The following SMAD2 variants were observed in gnomAD, a reference collection of about 807,000 sequenced individuals.
SMAD2 encodes SMAD family member 2, also known as MAD homolog 2.
A neutral mutation model predicts 64.4 loss-of-function variants in SMAD2; 8 were observed. The observed-to-expected ratio is 0.12, with a 90% confidence interval of 0.07 to 0.22. The LOEUF (loss-of-function observed/expected upper bound fraction) is 0.22. Ranked by LOEUF, SMAD2 falls within the 10% of genes least tolerant of loss-of-function variation. SMAD2 has a pLI of 1.00. For synonymous variants in SMAD2, 203 were observed against 195.8 expected (o/e 1.04, Z -0.31); for missense variants, 289 against 561.2 (o/e 0.51, Z 4.90).
intron 6 of SMAD2, among the ~76,000 whole-genome samples, chr18:47,860,247 T>C (rs763652669): frequency 6.6e-6 from 1 of 152,180 alleles, no homozygotes; most frequent in Non-Finnish European, 1.5e-5. Flanking sequence ...AAAAAACCTT[T>C]TCCTACAAGA....
intron 2 of SMAD2, among the ~76,000 whole-genome samples, chr18:47,872,680 G>C (rs916041939): frequency 2.0e-5 from 3 of 152,102 alleles, no homozygotes; most frequent in Non-Finnish European, 4.4e-5. Context: ...ATAGGAGCAA[G>C]AACCCTATTG....
Position 47,819,328 on chromosome 18 carries a change from T to C in SMAD2, c.*22499A>G, listed in dbSNP as rs1220100527. On this transcript the variant is annotated 3_prime_UTR_variant, in exon 11 of 11. Coordinates refer to ENST00000262160, the MANE Select transcript of SMAD2 (RefSeq NM_005901.6). Reference sequence around the variant, plus strand: ...TGTATAACTGTAAGTTGAACTAATTTTGTATTATTGACTTCAGCTGTGTCC... The same window carrying C: ...TGTATAACTGTAAGTTGAACTAATTCTGTATTATTGACTTCAGCTGTGTCC... The C allele has an allele frequency of 6.6e-6, 1 of 152,240 alleles. No homozygotes were observed. Among genetic ancestry groups the C allele is most frequent in the Non-Finnish European group, 1.5e-5 (1 of 68,042 alleles). 9.4% of individuals were successfully genotyped at this position (152,240 alleles called of 1,614,324 possible).
intron 6 of SMAD2, among the ~76,000 whole-genome samples, chr18:47,860,464 G>A (rs1198092529): frequency 1.3e-5 from 2 of 151,036 alleles, no homozygotes; most frequent in East Asian, 3.9e-4. Context: ...ATTTTTTTTT[G>A]TAGAGACGGG....
intron 1 of SMAD2, among the ~76,000 whole-genome samples, chr18:47,916,989 TGTC>T (rs1170267675): frequency 6.6e-6 from 1 of 152,202 alleles, no homozygotes; most frequent in Non-Finnish European, 1.5e-5. Flanking sequence ...TTTTTGTTGT[TGTC>T]GTTGTTGAGA....
Position 47,824,624 on chromosome 18 carries a change from T to C in SMAD2, c.*17203A>G, listed in dbSNP as rs1912684888. 1 of 152,212 alleles carries C rather than the reference T, an allele frequency of 6.6e-6. No individual in the cohort carries two copies. The highest frequency in any genetic ancestry group is 1.9e-4 in the East Asian group (1 of 5,194). The allele number at this position is 152,212 out of a possible 1,614,324, so 9.4% of individuals were successfully genotyped here. A position where few individuals can be genotyped will look rare whatever the true frequency, so the allele number is the denominator to read the frequency against. On this transcript the variant is annotated 3_prime_UTR_variant, in exon 11 of 11. Coordinates refer to ENST00000262160, the MANE Select transcript of SMAD2 (RefSeq NM_005901.6). ...CAGTTATTACACCTGAAAACTAAAT[T>C]CTAGCTGATCAATAAAATTCTTTGG...
chr18:47,904,340 T>G (rs191106899), intron 1 of SMAD2, among the ~76,000 whole-genome samples: 2 of 151,388 alleles, frequency 1.3e-5, no homozygotes, highest in East Asian at 3.9e-4. Context: ...AAGGGAAGGG[T>G]AGAGCAAAAG....
chr18:47,882,708 C>T (rs946615602), intron 2 of SMAD2, among the ~76,000 whole-genome samples: 3 of 152,122 alleles, frequency 2.0e-5, no homozygotes, highest in Non-Finnish European at 4.4e-5. Context: ...ATATTTGTTG[C>T]ACAAATGCTT....
chr18:47,866,419 TTAAG>T (rs2031567176), intron 5 of SMAD2, among the ~76,000 whole-genome samples: 2 of 151,730 alleles, frequency 1.3e-5, no homozygotes, highest in African/African-American at 4.8e-5. Flanking sequence ...ACCACAAACT[TTAAG>T]TATCAAACTT....
Position 47,865,082 on chromosome 18 carries a change from T to C in SMAD2, c.707A>G (p.Gln236Arg). The C allele has an allele frequency of 6.2e-7, 1 of 1,609,118 alleles. No homozygotes were observed. Among genetic ancestry groups the C allele is most frequent in the Non-Finnish European group, 8.5e-7 (1 of 1,175,798 alleles). ...ISEDGETSDQQLNQSMDTGSP... is the reference protein window; with the variant it reads ...ISEDGETSDQRLNQSMDTGSP... ...ACCTGTGTCCATACTTTGATTCAAC[T>C]GTTGGTCACTTGTTTCTCCATCTTC... The change falls in exon 6 of 11, where the codon CAG (glutamine) becomes CGG (arginine). Residue 236 changes from glutamine (Q) to arginine (R), a missense_variant. This residue lies in a region of SMAD2 where 119 missense variants were observed against 156.7 expected (regional missense o/e 0.76). Coordinates refer to ENST00000262160, the MANE Select transcript of SMAD2 (RefSeq NM_005901.6).
chr18:47,915,958 T>C (rs968041033), intron 1 of SMAD2, among the ~76,000 whole-genome samples: 3 of 152,232 alleles, frequency 2.0e-5, no homozygotes, highest in African/African-American at 7.2e-5. Context: ...ATTCATTTCC[T>C]AAGAATTTTT....
At chr18:47,910,160 T>G (rs1431635099) in intron 1 of SMAD2, among the ~76,000 whole-genome samples, 1 of 132,562 alleles carries the variant, frequency 7.5e-6, no homozygotes, top group Non-Finnish European at 1.6e-5. Context: ...TCATAAGAGA[T>G]TGTGGATATG....
rs62086500 is a variant in SMAD2 at position 47,816,251 on chromosome 18, T to A, written c.*25576A>T. On this transcript the variant is annotated 3_prime_UTR_variant, in exon 11 of 11. Transcript: ENST00000262160. ...TTTATTTATTTGCACCTATGTATTG[T>A]TCAGAAGTTTTAGGTCTTATGAAAA... is the stretch of plus-strand genomic sequence containing the variant. The A allele has an allele frequency of 6.6e-6, 1 of 152,210 alleles. No homozygotes were observed. Among genetic ancestry groups the A allele is most frequent in the Admixed American group, 6.5e-5 (1 of 15,288 alleles). The allele number at this position is 152,210 out of a possible 1,614,324, so 9.4% of individuals were successfully genotyped here. A position where few individuals can be genotyped will look rare whatever the true frequency, so the allele number is the denominator to read the frequency against.
chr18:47,885,178 CA>C (rs2032830350), intron 2 of SMAD2, among the ~76,000 whole-genome samples: 2 of 140,784 alleles, frequency 1.4e-5, no homozygotes, highest in Non-Finnish European at 3.1e-5. Context: ...CACACACACA[CA>C]CACATATACC....
intron 1 of SMAD2, among the ~76,000 whole-genome samples, chr18:47,905,224 C>T (rs2033855060): frequency 6.6e-6 from 1 of 152,044 alleles, no homozygotes; most frequent in Admixed American, 6.5e-5. Flanking sequence ...CTTGAAACAA[C>T]AGATATTTTC....
Position 47,824,673 on chromosome 18 carries a change from G to A in SMAD2, c.*17154C>T, listed in dbSNP as rs1472156158. The A allele has an allele frequency of 6.6e-6, 1 of 151,674 alleles. No individual in the cohort carries two copies. Among genetic ancestry groups the A allele is most frequent in the East Asian group, 1.9e-4 (1 of 5,184 alleles). 9.4% of individuals were successfully genotyped at this position (151,674 alleles called of 1,614,324 possible). A position where few individuals can be genotyped will look rare whatever the true frequency, so the allele number is the denominator to read the frequency against. On this transcript the variant is annotated 3_prime_UTR_variant, in exon 11 of 11. Coordinates refer to ENST00000262160, the MANE Select transcript of SMAD2 (RefSeq NM_005901.6). Reference sequence around the variant, plus strand: ...GGTTCTACTGTATACTTTTATTTGGGGATATCTGCTTCCAAACACACTAAA... The same window carrying A: ...GGTTCTACTGTATACTTTTATTTGGAGATATCTGCTTCCAAACACACTAAA...
intron 1 of SMAD2, among the ~76,000 whole-genome samples, chr18:47,909,729 G>A (rs2034046925): frequency 6.6e-6 from 1 of 152,148 alleles, no homozygotes; most frequent in Admixed American, 6.5e-5. Flanking sequence ...CTCTGGATTC[G>A]TTCCATCAAT....
At chr18:47,890,105 G>A (rs924810239) in intron 2 of SMAD2, among the ~76,000 whole-genome samples, 3 of 152,192 alleles carry the variant, frequency 2.0e-5, no homozygotes, top group Non-Finnish European at 2.9e-5. Context: ...TCCTGGAGCA[G>A]GAGCCCCCTC....
intron 1 of SMAD2, among the ~76,000 whole-genome samples, chr18:47,913,671 G>A (rs1483808101): frequency 3.3e-5 from 5 of 152,088 alleles, no homozygotes; most frequent in Admixed American, 2.6e-4. Context: ...GGCTGACAAG[G>A]AACAGATAAC....
In SMAD2 at chr18:47,835,147, C is replaced by A; in HGVS notation, c.*6680G>T. On this transcript the variant is annotated 3_prime_UTR_variant, in exon 11 of 11. Coordinates refer to ENST00000262160, the MANE Select transcript of SMAD2 (RefSeq NM_005901.6). The stretch of plus-strand genomic sequence containing the variant: ...GGTTAGTGTCACAGCTTCACTATCA[C>A]TAATAAAAAGATACAAATATGCCTT... 1 of 220,740 alleles carries A rather than the reference C, an allele frequency of 4.5e-6. No homozygotes were observed. The highest frequency in any genetic ancestry group is 1.8e-4 in the South Asian group (1 of 5,422). The allele number at this position is 220,740 out of a possible 1,614,324, so 13.7% of individuals were successfully genotyped here. A position where few individuals can be genotyped will look rare whatever the true frequency, so the allele number is the denominator to read the frequency against.
Sources: gnomAD v4.1 joint callset for allele counts (sites outside exome capture counted in the v4.1 genomes callset) on GRCh38, gnomAD v4.1.1 for gene constraint, gnomAD v4.1.1 regional missense constraint, MANE v1.5 for transcripts, NCBI Gene and HGNC (gene_info 2026-07-23, HGNC 2026-07-21) for gene names.